Variants in CCDC178 observed in about 807,000 individuals in gnomAD.
CCDC178 encodes coiled-coil domain containing 178, also known as coiled-coil domain-containing protein 178.
CCDC178 carries 126 observed loss-of-function variants against 117.4 expected under a neutral mutation model. The ratio of observed to expected loss-of-function variants is 1.07; its 90% CI spans 0.93 to 1.24. The LOEUF (loss-of-function observed/expected upper bound fraction) is 1.24. Among genes scored for constraint, CCDC178 ranks in the 50% most tolerant of loss-of-function variants. The pLI is 0.00. For synonymous variants in CCDC178, 283 were observed against 313.4 expected, an observed-to-expected ratio of 0.90 and a Z score of 1.02; for missense variants, 1,030 against 986.9, an observed-to-expected ratio of 1.04 and a Z score of -0.59.
intron 12 of CCDC178, among the ~76,000 whole-genome samples, chr18:33,289,021 C>T (rs1166404878): frequency 6.6e-6 from 1 of 152,106 alleles, no homozygotes; most frequent in Non-Finnish European, 1.5e-5. Context: ...GTTCTTCCTT[C>T]TCATCAATGC....
At chr18:33,436,075 A>G (rs981765540) in intron 2 of CCDC178, among the ~76,000 whole-genome samples, 1 of 152,200 alleles carries the variant, frequency 6.6e-6, no homozygotes, top group African/African-American at 2.4e-5. Flanking sequence ...AACAACAGCA[A>G]TAAAGAAAAG....
chr18:33,420,767 T>C (rs2064013753), intron 2 of CCDC178, among the ~76,000 whole-genome samples: 1 of 152,076 alleles, frequency 6.6e-6, no homozygotes, highest in African/African-American at 2.4e-5. Context: ...CCTGCACATG[T>C]ACCACTGAAA....
intron 22 of CCDC178, among the ~76,000 whole-genome samples, chr18:32,943,830 A>G (rs2054290926): frequency 1.3e-5 from 2 of 152,246 alleles, no homozygotes; most frequent in African/African-American, 4.8e-5. Flanking sequence ...TTTATCAGGT[A>G]ACACAACATA....
intron 11 of CCDC178, among the ~76,000 whole-genome samples, chr18:33,310,792 T>C (rs930269823): frequency 6.6e-6 from 1 of 152,226 alleles, no homozygotes; most frequent in African/African-American, 2.4e-5. Flanking sequence ...CATTTTTATT[T>C]TTAACTCTGT....
At chr18:33,115,466 A>C (rs1317890490) in intron 20 of CCDC178, among the ~76,000 whole-genome samples, 2 of 152,076 alleles carry the variant, frequency 1.3e-5, no homozygotes, top group African/African-American at 4.8e-5. Context: ...CCTGTTTCTC[A>C]AACTAGGATC....
chr18:33,437,479 A>C (rs2064307999), intron 2 of CCDC178, among the ~76,000 whole-genome samples: 1 of 152,158 alleles, frequency 6.6e-6, no homozygotes, highest in African/African-American at 2.4e-5. Flanking sequence ...TTAAATCCAA[A>C]GGTTTTCCAG....
chr18:33,402,733 G>T (rs1243845192), intron 3 of CCDC178, among the ~76,000 whole-genome samples: 1 of 152,154 alleles, frequency 6.6e-6, no homozygotes, highest in Non-Finnish European at 1.5e-5. Flanking sequence ...GGACTTTGTT[G>T]TTGTTGTTAC....
chr18:33,293,661 T>C (rs565026613), intron 11 of CCDC178, among the ~76,000 whole-genome samples: 3 of 152,136 alleles, frequency 2.0e-5, no homozygotes, highest in African/African-American at 7.2e-5. Context: ...TGAGACCCTA[T>C]CTCAAAAAAA....
At chr18:33,401,570 T>C (rs1169707159) in intron 3 of CCDC178, among the ~76,000 whole-genome samples, 1 of 152,206 alleles carries the variant, frequency 6.6e-6, no homozygotes, top group African/African-American at 2.4e-5. Flanking sequence ...AAACAAATTT[T>C]CTAATGTAAA....
intron 2 of CCDC178, among the ~76,000 whole-genome samples, chr18:33,417,539 C>CACAT (rs1555701360): frequency 6.7e-6 from 1 of 149,454 alleles, no homozygotes; most frequent in Non-Finnish European, 1.5e-5. Flanking sequence ...GCTGTATACA[C>CACAT]ACACACACAC....
intron 3 of CCDC178, among the ~76,000 whole-genome samples, chr18:33,409,249 T>A (rs2063820145): frequency 6.6e-6 from 1 of 152,058 alleles, no homozygotes; most frequent in Admixed American, 6.6e-5. Context: ...CAGGCCTGGC[T>A]AATTTTCGTA....
rs899784954 is a variant in CCDC178 at position 33,175,145 on chromosome 18, G to A, written c.2238+36751C>T. The stretch of plus-strand genomic sequence containing the variant: ...CCCGCCTCGGCCTCCCAAAGTGCTA[G>A]GATTACAGGCGTAAGCCACCGCACC... On this transcript the variant is annotated intron_variant, in intron 20 of 22. Coordinates refer to ENST00000383096, the MANE Select transcript of CCDC178 (RefSeq NM_001105528.4). Among the ~76,000 whole-genome samples the A allele has an allele frequency of 6.6e-5, 10 of 152,022 alleles. No homozygotes were observed. In the East Asian group the frequency reaches 9.6e-4, roughly 15 times the overall value.
intron 21 of CCDC178, among the ~76,000 whole-genome samples, chr18:33,066,822 G>A (rs1214022469): frequency 6.6e-6 from 1 of 152,238 alleles, no homozygotes; most frequent in African/African-American, 2.4e-5. Context: ...ATGTATATAT[G>A]CACCCAACAC....
chr18:33,259,441 G>A (rs1192354919), intron 14 of CCDC178, among the ~76,000 whole-genome samples: 2 of 152,086 alleles, frequency 1.3e-5, no homozygotes, highest in Admixed American at 6.5e-5. Context: ...CAGTTCTTCA[G>A]GCTTAACAGG....
rs537510440 is a variant in CCDC178 at position 33,021,950 on chromosome 18, A to G, written c.2389-47269T>C. Among the ~76,000 whole-genome samples, 11 of 152,160 alleles carry G rather than the reference A, an allele frequency of 7.2e-5. No homozygotes were observed. The South Asian group carries it at 2.3e-3, about 32-fold the overall frequency. ...TATTTTTTAAATTATTTTCCTGGTC[A>G]CCAAAAATGTTCTAAAAGCAATAGG... On this transcript the variant is annotated intron_variant, in intron 21 of 22. Transcript: ENST00000383096.
intron 15 of CCDC178, among the ~76,000 whole-genome samples, chr18:33,227,548 G>GTATATATATA (rs2059318196): frequency 1.1e-5 from 1 of 89,300 alleles, no homozygotes; most frequent in African/African-American, 3.5e-5. Context: ...GTGTGTGTGT[G>GTATATATATA]TGTGTGTGTA....
intron 20 of CCDC178, among the ~76,000 whole-genome samples, chr18:33,172,392 TAC>T (rs1403908750): frequency 6.6e-6 from 1 of 152,062 alleles, no homozygotes; most frequent in African/African-American, 2.4e-5. Context: ...TAAATAAATA[TAC>T]GTAAAATGAA....
At chr18:33,280,460 C>T (rs2144820981) in intron 12 of CCDC178, among the ~76,000 whole-genome samples, 1 of 151,686 alleles carries the variant, frequency 6.6e-6, no homozygotes, top group East Asian at 2.0e-4. Flanking sequence ...ACAACAGGTG[C>T]TGGAGAGGAT....
At position 33,439,709 on chromosome 18, in the gene CCDC178, G is replaced by T. The variant is rs550751514; in HGVS notation, c.-23+253C>A. On this transcript the variant is annotated intron_variant, in intron 2 of 22. Transcript: ENST00000383096. ...AATATTTTGAGGGTAGGAGGGAGAT[G>T]TCAAGAATGCTGTATTTGGGTCAAG... Among the ~76,000 whole-genome samples, 229 of 152,278 alleles carry T rather than the reference G, an allele frequency of 1.5e-3. 1 individual carries two copies. The highest frequency in any genetic ancestry group is 5.3e-3 in the African/African-American group (221 of 41,546).
Sources: gnomAD v4.1 joint callset for allele counts (sites outside exome capture counted in the v4.1 genomes callset) on GRCh38, gnomAD v4.1.1 for gene constraint, MANE v1.5 for transcripts, NCBI Gene and HGNC (gene_info 2026-07-23, HGNC 2026-07-21) for gene names.